The following NBEA variants were observed in gnomAD, a reference collection of about 807,000 sequenced individuals.
NBEA encodes lysosomal-trafficking regulator 2.
In NBEA, 44 loss-of-function variants were observed where a neutral mutation model predicts 343.4. The observed-to-expected ratio is 0.13, with a 90% CI of 0.10 to 0.16. The LOEUF (loss-of-function observed/expected upper bound fraction) is 0.16. NBEA is among the 10% of genes least tolerant of loss of function. The pLI, the probability that NBEA is intolerant of heterozygous loss-of-function variation, is 1.00. For missense variants in NBEA, 2,555 were observed against 3,631.3 expected (o/e 0.70, Z 7.62); for synonymous variants, 1,175 against 1,238.7 (o/e 0.95, Z 1.08).
chr13:35,160,223 C>A (rs1002943663), intron 22 of NBEA, among the ~76,000 whole-genome samples, 191 bp downstream of exon 22: 5 of 152,068 alleles, frequency 3.3e-5, no homozygotes, highest in African/African-American at 1.2e-4. Flanking sequence ...AATTATATTT[C>A]CAACTCTGCC....
intron 34 of NBEA, among the ~76,000 whole-genome samples, chr13:35,264,637 A>G (rs991257409): frequency 7.9e-5 from 12 of 152,024 alleles, no homozygotes; most frequent in African/African-American, 2.2e-4. Context: ...AACAGATTGA[A>G]AGACAAAAAC....
chr13:35,431,578 A>G (rs2152930472), intron 38 of NBEA, among the ~76,000 whole-genome samples: 1 of 152,284 alleles, frequency 6.6e-6, no homozygotes, highest in Admixed American at 6.5e-5. Context: ...TTAATGGTTT[A>G]TATTAGTTGA....
At chr13:35,124,453 C>G (rs2066971468) in intron 17 of NBEA, among the ~76,000 whole-genome samples, 1 of 149,762 alleles carries the variant, frequency 6.7e-6, no homozygotes, top group Admixed American at 6.7e-5. Flanking sequence ...AGGAATAGTT[C>G]AAACAAAGCC....
chr13:35,260,390 A>G (rs1160377700), intron 34 of NBEA, among the ~76,000 whole-genome samples: 1 of 152,258 alleles, frequency 6.6e-6, no homozygotes, highest in Admixed American at 6.5e-5. Context: ...TGGACAAAAT[A>G]TATGAATAAG....
At chr13:35,107,832 G>T (rs1310650878) in intron 11 of NBEA, among the ~76,000 whole-genome samples, 3 of 152,164 alleles carry the variant, frequency 2.0e-5, no homozygotes, top group African/African-American at 7.2e-5. Context: ...ACATGGTAAA[G>T]CAGGGAAGCA....
intron 55 of NBEA, among the ~76,000 whole-genome samples, chr13:35,657,067 C>T (rs2479439): frequency 0.37 from 56,937 of 151,974 alleles, 11,218 homozygotes; most frequent in Middle Eastern, 0.55. Flanking sequence ...ACAGGAATAC[C>T]GCAAAAATAG....
intron 38 of NBEA, among the ~76,000 whole-genome samples, chr13:35,428,231 T>C (rs1379793899): frequency 1.3e-5 from 2 of 152,174 alleles, no homozygotes; most frequent in Non-Finnish European, 2.9e-5. Flanking sequence ...TTGCTCACGC[T>C]GGGAGCTGTA....
chr13:35,613,740 C>T (rs1348646117), intron 48 of NBEA, among the ~76,000 whole-genome samples: 2 of 152,068 alleles, frequency 1.3e-5, no homozygotes, highest in Non-Finnish European at 2.9e-5. Context: ...CCCACCTCAG[C>T]CTCCCAAGTA....
chr13:35,010,763 T>C lies in NBEA; in HGVS notation c.295-30170T>C, dbSNP rs573108320. Among the ~76,000 whole-genome samples the C allele has an allele frequency of 2.3e-3, 258 of 111,560 alleles. 13 individuals are homozygous for C. Among genetic ancestry groups the C allele is most frequent in the African/African-American group, 9.1e-3 (248 of 27,208 alleles). The allele number at this position is 111,560 out of a possible 152,430, so 73.2% of individuals were successfully genotyped here. ...AAAAATATATATATATATATATATA[T>C]ATATATATATATATATAAGCTGGGT... On this transcript the variant is annotated intron_variant, in intron 1 of 58. Transcript: ENST00000379939.
chr13:35,104,568 G>A (rs1360531602), intron 11 of NBEA, among the ~76,000 whole-genome samples: 1 of 151,800 alleles, frequency 6.6e-6, no homozygotes, highest in East Asian at 1.9e-4. Context: ...CTCACATTTT[G>A]TTATTTTTAA....
At chr13:35,666,241 C>A (rs959800477) in intron 56 of NBEA, among the ~76,000 whole-genome samples, 12 of 151,928 alleles carry the variant, frequency 7.9e-5, no homozygotes, top group African/African-American at 2.7e-4. Context: ...GTTGTTAGAG[C>A]TCATTTCAGC....
intron 36 of NBEA, among the ~76,000 whole-genome samples, chr13:35,320,060 G>A (rs952947476): frequency 5.3e-5 from 8 of 152,130 alleles, no homozygotes; most frequent in African/African-American, 9.7e-5. Flanking sequence ...TTGCCAGTCT[G>A]TGTCTTTTAA....
intron 1 of NBEA, among the ~76,000 whole-genome samples, chr13:35,000,239 A>T (rs1473474604): frequency 2.6e-5 from 4 of 152,152 alleles, no homozygotes; most frequent in Admixed American, 2.6e-4. Context: ...ACCAGGAGAA[A>T]ATAATGGGAT....
At chr13:35,574,391 A>AAAAAAAG (rs2080617096) in intron 45 of NBEA, among the ~76,000 whole-genome samples, 3 of 115,592 alleles carry the variant, frequency 2.6e-5, no homozygotes, top group Non-Finnish European at 5.3e-5. Flanking sequence ...AAAAAAAAAG[A>AAAAAAAG]AAAACAAAAG....
chr13:35,613,135 T>C (rs969965635), intron 48 of NBEA, among the ~76,000 whole-genome samples: 34 of 150,124 alleles, frequency 2.3e-4, no homozygotes, highest in African/African-American at 6.6e-4. Context: ...TGCTGTGCAA[T>C]AGAACACCAG....
intron 35 of NBEA, among the ~76,000 whole-genome samples, chr13:35,305,383 A>C (rs1009995445): frequency 1.3e-5 from 2 of 152,206 alleles, no homozygotes; most frequent in Admixed American, 6.6e-5. Context: ...ATATGGGTCT[A>C]TCTCTTTTTA....
chr13:35,335,717 T>A (rs540871629), intron 36 of NBEA, among the ~76,000 whole-genome samples: 2 of 152,156 alleles, frequency 1.3e-5, no homozygotes, highest in East Asian at 3.9e-4. Flanking sequence ...TTAATTAACA[T>A]CCTAGGAGAT....
intron 34 of NBEA, among the ~76,000 whole-genome samples, chr13:35,278,625 A>G (rs2034816160): frequency 6.6e-6 from 1 of 152,206 alleles, no homozygotes; most frequent in Non-Finnish European, 1.5e-5. Context: ...TTAAATAACT[A>G]AGAACCAATA....
chr13:35,571,504 A>G (rs1161163395), intron 45 of NBEA, among the ~76,000 whole-genome samples: 2 of 152,218 alleles, frequency 1.3e-5, no homozygotes, highest in Non-Finnish European at 2.9e-5. Context: ...AATGAACACA[A>G]TCATACTTAC....
Sources: allele counts gnomAD v4.1 joint callset (sites outside exome capture counted in the v4.1 genomes callset), GRCh38; gene constraint gnomAD v4.1.1; transcripts MANE v1.5; gene names NCBI Gene and HGNC (gene_info 2026-07-23, HGNC 2026-07-21).